ZFPM1: variants seen among roughly 807,000 people sequenced by gnomAD.
The protein encoded by ZFPM1 is zinc finger protein, FOG family member 1.
In ZFPM1, 28 loss-of-function variants were observed where a neutral mutation model predicts 46.3. The observed-to-expected ratio is 0.60, with a 90% confidence interval of 0.45 to 0.83. The LOEUF (loss-of-function observed/expected upper bound fraction) is 0.83. Among genes scored for constraint, ZFPM1 ranks in the 40% least tolerant of loss-of-function variants. The pLI, the probability that ZFPM1 is intolerant of heterozygous loss-of-function variation, is 0.00. For synonymous variants in ZFPM1, 957 were observed against 675.9 expected (o/e 1.42, Z -6.45); for missense variants, 1,878 against 1,432.4 (o/e 1.31, Z -5.02).
Position 88,453,589 on chromosome 16 carries a change from C to G in ZFPM1, c.-50C>G. ...GCCGCGCCCCCGCCGCCCGCCGCCG[C>G]CCGCCCGGGGCTAGAGGCGGCCGCC... On this transcript the variant is annotated 5_prime_UTR_variant, in exon 1 of 10. Transcript: ENST00000319555. 2.0e-6 allele frequency: 2 copies of G among 986,636 alleles called. No homozygotes were observed. The highest frequency in any genetic ancestry group is 2.4e-6 in the Non-Finnish European group (2 of 828,592). 61.1% of individuals were successfully genotyped at this position (986,636 alleles called of 1,614,324 possible). A position where few individuals can be genotyped will look rare whatever the true frequency, so the allele number is the denominator to read the frequency against.
intron 3 of ZFPM1, chr16:88,489,373 A>C: frequency 1.5e-6 from 1 of 647,896 alleles, no homozygotes; most frequent in Non-Finnish European, 2.4e-6. Flanking sequence ...CGTGGTGTAC[A>C]AGGAAGCGCT....
chr16:88,490,049 A>G (rs1028057705), intron 3 of ZFPM1, among the ~76,000 whole-genome samples: 2 of 150,860 alleles, frequency 1.3e-5, no homozygotes, highest in African/African-American at 4.9e-5. Context: ...TGCAGCAAGT[A>G]TTTATTATTT....
chr16:88,488,556 T>A (rs1463830356), intron 2 of ZFPM1, among the ~76,000 whole-genome samples: 84 of 151,096 alleles, frequency 5.6e-4, no homozygotes, highest in Non-Finnish European at 2.2e-4. Flanking sequence ...GTATTAATAA[T>A]CTGTAGACAC....
chr16:88,525,931 A>G (rs1597281453), intron 4 of ZFPM1, among the ~76,000 whole-genome samples: 1 of 152,204 alleles, frequency 6.6e-6, no homozygotes, highest in Admixed American at 6.5e-5. Context: ...AGCCTGAGCC[A>G]CCGCCGACAG....
intron 1 of ZFPM1, among the ~76,000 whole-genome samples, chr16:88,463,847 G>GGCT (rs1482564582): frequency 1.3e-5 from 2 of 152,218 alleles, no homozygotes; most frequent in Non-Finnish European, 2.9e-5. Context: ...TGTGTCCTCT[G>GGCT]GCTGTGTGAC....
chr16:88,475,621 C>T (rs547655370), intron 1 of ZFPM1, among the ~76,000 whole-genome samples: 11 of 152,268 alleles, frequency 7.2e-5, no homozygotes, highest in South Asian at 4.1e-4. Flanking sequence ...CCAAGGACAA[C>T]GCCGGGTACA....
intron 1 of ZFPM1, among the ~76,000 whole-genome samples, chr16:88,473,644 C>T (rs918513113): frequency 6.6e-6 from 1 of 152,126 alleles, no homozygotes; most frequent in Non-Finnish European, 1.5e-5. Context: ...CCGTGAGCCG[C>T]GGCCCCCGCC....
At chr16:88,493,770 G>T (rs1470432035) in intron 3 of ZFPM1, among the ~76,000 whole-genome samples, 1 of 152,078 alleles carries the variant, frequency 6.6e-6, no homozygotes, top group African/African-American at 2.4e-5. Flanking sequence ...CCCCTTCCTG[G>T]CCCTACCTGA....
At chr16:88,488,009 G>C (rs540701318) in intron 2 of ZFPM1, among the ~76,000 whole-genome samples, 4 of 152,368 alleles carry the variant, frequency 2.6e-5, no homozygotes, top group Non-Finnish European at 4.4e-5. Context: ...CCAGTCCCGG[G>C]GCCGGGCTCT....
In ZFPM1 at chr16:88,533,567, C is replaced by A. The variant is rs1302722385; in HGVS notation, c.1609C>A (p.Pro537Thr). 6.7e-7 allele frequency: 1 copy of A among 1,491,682 alleles called. No homozygotes were observed. The highest frequency in any genetic ancestry group is 8.9e-7 in the Non-Finnish European group (1 of 1,121,856). 92.4% of individuals were successfully genotyped at this position (1,491,682 alleles called of 1,614,324 possible). Residue 537 changes from proline (P) to threonine (T), a missense_variant, in exon 10 of 10, where the codon CCC becomes ACC. Transcript: ENST00000319555. ...PQYVFGPDAA[P>T]PASEILAKMS... The stretch of plus-strand genomic sequence containing the variant: ...GTACGTGTTCGGGCCCGACGCGGCG[C>A]CCCCCGCCTCGGAGATCCTGGCCAA...
At chr16:88,498,763 C>G (rs1291891189) in intron 3 of ZFPM1, among the ~76,000 whole-genome samples, 1 of 152,246 alleles carries the variant, frequency 6.6e-6, no homozygotes, top group Non-Finnish European at 1.5e-5. Context: ...GAGGCCCCAT[C>G]ACATTGGGCC....
rs1913231999 is a variant in ZFPM1 at position 88,535,988 on chromosome 16, A to T, written c.*1009A>T. The T allele has an allele frequency of 6.6e-6, 1 of 151,960 alleles. No individual in the cohort carries two copies. The highest frequency in any genetic ancestry group is 1.5e-5 in the Non-Finnish European group (1 of 67,992). 9.4% of individuals were successfully genotyped at this position (151,960 alleles called of 1,614,324 possible). A position where few individuals can be genotyped will look rare whatever the true frequency, so the allele number is the denominator to read the frequency against. On this transcript the variant is annotated 3_prime_UTR_variant, in exon 10 of 10. Coordinates refer to ENST00000319555, the MANE Select transcript of ZFPM1 (RefSeq NM_153813.3). ...CTTTATTTTTTTATTTTTGGGTCTC[A>T]CTCTCTTGCCCAGGCTGGAGTCCCT...
intron 4 of ZFPM1, among the ~76,000 whole-genome samples, chr16:88,524,132 A>G (rs1912127026): frequency 6.6e-6 from 1 of 152,200 alleles, no homozygotes; most frequent in South Asian, 2.1e-4. Flanking sequence ...TCGTTACCGC[A>G]GCACCCATCG....
At chr16:88,453,992 G>C (rs1217020340) in intron 1 of ZFPM1, among the ~76,000 whole-genome samples, 2 of 152,182 alleles carry the variant, frequency 1.3e-5, no homozygotes, top group Non-Finnish European at 2.9e-5. Context: ...TCTGCGAGAT[G>C]GTGCGGCGAT....
At chr16:88,468,922 C>G (rs1420644141) in intron 1 of ZFPM1, 3 of 153,822 alleles carry the variant, frequency 2.0e-5, no homozygotes, top group Admixed American at 6.5e-5. Flanking sequence ...TGGAAGGGCC[C>G]GCCTTTTAGG....
intron 3 of ZFPM1, among the ~76,000 whole-genome samples, chr16:88,510,820 T>C: frequency 6.6e-6 from 1 of 152,218 alleles, no homozygotes; most frequent in East Asian, 1.9e-4. Context: ...GGCCAGTTGC[T>C]TAACCTCTCG....
At chr16:88,463,374 A>T (rs1206856526) in intron 1 of ZFPM1, among the ~76,000 whole-genome samples, 1 of 152,208 alleles carries the variant, frequency 6.6e-6, no homozygotes, top group East Asian at 1.9e-4. Flanking sequence ...TGGGAGGGGA[A>T]GCCAAGACTC....
intron 3 of ZFPM1, among the ~76,000 whole-genome samples, chr16:88,513,526 G>A (rs1484871707): frequency 3.3e-5 from 5 of 152,220 alleles, no homozygotes; most frequent in African/African-American, 1.2e-4. Flanking sequence ...CTGGCCACAG[G>A]AGAGGTAGAG....
rs758708134 is a variant in ZFPM1 at position 88,533,220 on chromosome 16, C to T, written c.1262C>T (p.Ala421Val). ...CTGGCCTCCGCGGACCTGGGCCTGG[C>T]GCCCACCCCATCGCCAGGACTGGAC... ...GPLASADLGL[A>V]PTPSPGLDRK... The change falls in exon 10 of 10, where the codon GCG becomes GTG. Residue 421 changes from alanine to valine, a missense_variant. Ala to Val is a moderately conservative substitution (Grantham distance 64). Transcript: ENST00000319555. 3 of 1,561,642 alleles carry T rather than the reference C, an allele frequency of 1.9e-6. No homozygotes were observed. The highest frequency in any genetic ancestry group is 1.9e-5 in the Admixed American group (1 of 53,442).
Sources: gnomAD v4.1 joint callset for allele counts (sites outside exome capture counted in the v4.1 genomes callset) on GRCh38, gnomAD v4.1.1 for gene constraint, MANE v1.5 for transcripts, NCBI Gene and HGNC (gene_info 2026-07-23, HGNC 2026-07-21) for gene names.